SMAD2: variants seen among roughly 807,000 people sequenced by gnomAD.
SMAD2 encodes SMAD family member 2, also known as MAD homolog 2.
SMAD2 carries 8 observed loss-of-function variants against 64.4 expected under a neutral mutation model. The observed-to-expected ratio is 0.12, with a 90% CI of 0.07 to 0.22. The LOEUF is 0.22. SMAD2 is among the 10% of genes least tolerant of loss of function. The probability of loss-of-function intolerance (pLI) is 1.00; values close to 1 mark genes in which losing one functional copy is unlikely to be tolerated. For synonymous variants in SMAD2, 203 were observed against 195.8 expected (o/e 1.04, Z -0.31); for missense variants, 289 against 561.2 (o/e 0.51, Z 4.90).
At chr18:47,850,239 T>TA (rs1568039903) in intron 7 of SMAD2, among the ~76,000 whole-genome samples, 2 of 62,582 alleles carry the variant, frequency 3.2e-5, no homozygotes, top group African/African-American at 6.7e-5. Context: ...ATATTATATA[T>TA]TATATATTAT....
intron 5 of SMAD2, chr18:47,867,053 T>A (rs2144368360): frequency 6.6e-6 from 1 of 152,348 alleles, no homozygotes; most frequent in South Asian, 2.1e-4. Flanking sequence ...ATGCCTCCCC[T>A]TCCCCACACC....
intron 7 of SMAD2, among the ~76,000 whole-genome samples, chr18:47,850,531 A>T (rs1436026695): frequency 2.0e-4 from 3 of 14,644 alleles, no homozygotes; most frequent in Non-Finnish European, 2.5e-4. Context: ...ATTATGTATA[A>T]TATATGTTAT....
intron 1 of SMAD2, among the ~76,000 whole-genome samples, chr18:47,897,509 C>A (rs759820474): frequency 2.6e-5 from 4 of 152,170 alleles, no homozygotes; most frequent in Non-Finnish European, 5.9e-5. Context: ...TTTTATTAAG[C>A]TGTTTTGTCT....
At chr18:47,894,665 G>T (rs2033354833) in intron 2 of SMAD2, among the ~76,000 whole-genome samples, 1 of 152,120 alleles carries the variant, frequency 6.6e-6, no homozygotes, top group African/African-American at 2.4e-5. Context: ...GCCTCCTCTG[G>T]ATATAGCCCC....
At position 47,826,724 on chromosome 18, in the gene SMAD2, A is replaced by G. The variant is rs1382014424; in HGVS notation, c.*15103T>C. On this transcript the variant is annotated 3_prime_UTR_variant, in exon 11 of 11. Transcript: ENST00000262160. ...TACTTTTGCGGCAATAATTGCTCCA[A>G]TATGTTCTATGTGACATTTCTGAGT... 1 of 152,196 alleles carries G rather than the reference A, an allele frequency of 6.6e-6. No individual in the cohort carries two copies. Among genetic ancestry groups the G allele is most frequent in the Non-Finnish European group, 1.5e-5 (1 of 68,042 alleles). The allele number at this position is 152,196 out of a possible 1,614,324, so 9.4% of individuals were successfully genotyped here.
Position 47,833,685 on chromosome 18 carries a change from C to A in SMAD2, c.*8142G>T, listed in dbSNP as rs1397257971. The A allele has an allele frequency of 2.6e-5, 6 of 231,078 alleles. No homozygotes were observed. In the Admixed American group the frequency reaches 3.4e-4, roughly 13 times the overall value. The allele number at this position is 231,078 out of a possible 1,614,324, so 14.3% of individuals were successfully genotyped here. On this transcript the variant is annotated 3_prime_UTR_variant, in exon 11 of 11. Coordinates refer to ENST00000262160, the MANE Select transcript of SMAD2 (RefSeq NM_005901.6). ...ACTGCTCAGTCTGCATCAGGACACC[C>A]AATTCCTTCACTTGCCATTGGCTGA...
In SMAD2 at chr18:47,829,700, A is replaced by G. The variant is rs1198363702; in HGVS notation, c.*12127T>C. On this transcript the variant is annotated 3_prime_UTR_variant, in exon 11 of 11. Transcript: ENST00000262160. ...GAAGTAGACACTTTGGCAAATAAAA[A>G]CTGCACCGTATGACATGTCACATAG... 1.3e-5 allele frequency: 2 copies of G among 152,224 alleles called. No individual in the cohort carries two copies. Among genetic ancestry groups the G allele is most frequent in the Non-Finnish European group, 2.9e-5 (2 of 68,038 alleles). 9.4% of individuals were successfully genotyped at this position (152,224 alleles called of 1,614,324 possible).
chr18:47,848,591 T>A lies in SMAD2; in HGVS notation c.881A>T (p.Gln294Leu), dbSNP rs749996078. Reference protein sequence around the residue: ...QRVGETFHASQPSLTVDGFTD... With the variant: ...QRVGETFHASLPSLTVDGFTD... ...AAAGCCATCTACAGTGAGTGAGGGCTGTGATGCATGGAAGGTTTCTCCAAC... is the reference window on the plus strand; with the variant it reads ...AAAGCCATCTACAGTGAGTGAGGGCAGTGATGCATGGAAGGTTTCTCCAAC... The change falls in exon 8 of 11, where the codon CAG becomes CTG. Residue 294 changes from glutamine to leucine, a missense_variant. This residue lies in a region of SMAD2 where 8 missense variants were observed against 54.1 expected (regional missense o/e 0.15). Coordinates refer to ENST00000262160, the MANE Select transcript of SMAD2 (RefSeq NM_005901.6). 6.2e-7 allele frequency: 1 copy of A among 1,613,624 alleles called. No individual in the cohort carries two copies. Among genetic ancestry groups the A allele is most frequent in the Admixed American group, 1.7e-5 (1 of 60,008 alleles).
Position 47,827,627 on chromosome 18 carries a change from C to T in SMAD2, c.*14200G>A, listed in dbSNP as rs373350258. Reference sequence around the variant, plus strand: ...TGCCGAGTGCCTGGGATTGCAGACGCGCGCCGCCACGCCTGACTGGTTTTT... The same window carrying T: ...TGCCGAGTGCCTGGGATTGCAGACGTGCGCCGCCACGCCTGACTGGTTTTT... On this transcript the variant is annotated 3_prime_UTR_variant, in exon 11 of 11. Transcript: ENST00000262160. 4.4e-5 allele frequency: 7 copies of T among 158,192 alleles called. No homozygotes were observed. Among genetic ancestry groups the T allele is most frequent in the South Asian group, 1.9e-4 (1 of 5,334 alleles). The allele number at this position is 158,192 out of a possible 1,614,324, so 9.8% of individuals were successfully genotyped here.
intron 1 of SMAD2, among the ~76,000 whole-genome samples, chr18:47,929,531 C>T (rs747237554): frequency 1.1e-4 from 17 of 152,136 alleles, no homozygotes; most frequent in Non-Finnish European, 1.9e-4. Context: ...CAAATTGCAA[C>T]AAACAAGACA....
intron 2 of SMAD2, among the ~76,000 whole-genome samples, chr18:47,887,281 T>G (rs1235118982): frequency 6.6e-6 from 1 of 152,246 alleles, no homozygotes; most frequent in Non-Finnish European, 1.5e-5. Flanking sequence ...AAAATCTTAC[T>G]ATCTCATTAA....
chr18:47,878,644 G>A (rs1466398155), intron 2 of SMAD2, among the ~76,000 whole-genome samples: 3 of 151,924 alleles, frequency 2.0e-5, no homozygotes, highest in African/African-American at 4.8e-5. Flanking sequence ...AAAACAAAAC[G>A]AAAGAATCAA....
At chr18:47,865,026 T>TTA (rs746973109) in intron 6 of SMAD2, 33 bp downstream of exon 6, 1 of 1,238,826 alleles carries the variant, frequency 8.1e-7, no homozygotes, top group Non-Finnish European at 1.2e-6. Flanking sequence ...GTATATCTAA[T>TTA]AACTGAGGAA....
intron 6 of SMAD2, among the ~76,000 whole-genome samples, chr18:47,860,238 A>G (rs538534298): frequency 6.6e-6 from 1 of 152,322 alleles, no homozygotes. Flanking sequence ...TCTCAATTTA[A>G]AAAACCTTTT....
chr18:47,925,815 G>C (rs999085974), intron 1 of SMAD2, among the ~76,000 whole-genome samples: 2 of 150,940 alleles, frequency 1.3e-5, no homozygotes, highest in Non-Finnish European at 3.0e-5. Flanking sequence ...AAGTAACCCT[G>C]AGGTAAGGTT....
intron 8 of SMAD2, among the ~76,000 whole-genome samples, chr18:47,847,793 A>G (rs1914671154): frequency 6.6e-6 from 1 of 151,738 alleles, no homozygotes; most frequent in Non-Finnish European, 1.5e-5. Flanking sequence ...TCTACATTTC[A>G]TCTCTTGCAA....
chr18:47,881,640 G>A (rs2144418631), intron 2 of SMAD2, among the ~76,000 whole-genome samples: 1 of 152,272 alleles, frequency 6.6e-6, no homozygotes, highest in Middle Eastern at 3.4e-3. Context: ...AAGGACACAA[G>A]AGTAGACATC....
intron 6 of SMAD2, among the ~76,000 whole-genome samples, chr18:47,858,954 TAA>T (rs763584764): frequency 6.6e-6 from 1 of 152,104 alleles, no homozygotes; most frequent in Non-Finnish European, 1.5e-5. Context: ...ATTTTCCAAC[TAA>T]AAGACAAAAA....
chr18:47,917,812 CA>C (rs1299253423), intron 1 of SMAD2, among the ~76,000 whole-genome samples: 1 of 152,128 alleles, frequency 6.6e-6, no homozygotes, highest in Non-Finnish European at 1.5e-5. Context: ...CTCAGCCTCC[CA>C]AAGTGCTAGG....
Sources: gnomAD v4.1 joint callset for allele counts (sites outside exome capture counted in the v4.1 genomes callset) on GRCh38, gnomAD v4.1.1 for gene constraint, gnomAD v4.1.1 regional missense constraint, MANE v1.5 for transcripts, NCBI Gene and HGNC (gene_info 2026-07-23, HGNC 2026-07-21) for gene names.